ZKSCAN2: variants seen among roughly 807,000 people sequenced by gnomAD.
ZKSCAN2 encodes zinc finger with KRAB and SCAN domains 2, also known as zinc finger protein with KRAB and SCAN domains 2.
Under a neutral mutation model 90.5 loss-of-function variants are expected in ZKSCAN2, and 38 were observed. That is an observed-to-expected ratio of 0.42 (90% CI 0.32 to 0.55). The LOEUF (loss-of-function observed/expected upper bound fraction) is 0.55. Among genes scored for constraint, ZKSCAN2 ranks in the 20% least tolerant of loss-of-function variants. The probability of loss-of-function intolerance (pLI) is 0.11; values close to 1 mark genes in which losing one functional copy is unlikely to be tolerated. For missense variants in ZKSCAN2, 1,167 were observed against 1,202.6 expected (o/e 0.97, Z 0.44); for synonymous variants, 429 against 421.6 (o/e 1.02, Z -0.22).
In ZKSCAN2 at chr16:25,243,831, T is replaced by C. The variant is rs1567351151; in HGVS notation, c.1935A>G (p.Gln645=). 2 of 1,613,982 alleles carry C rather than the reference T, an allele frequency of 1.2e-6. No homozygotes were observed. Among genetic ancestry groups the C allele is most frequent in the African/African-American group, 2.7e-5 (2 of 74,872 alleles). The change falls in exon 6 of 7, where the codon CAA becomes CAG. Residue 645 remains glutamine, a synonymous_variant. Transcript: ENST00000328086. ...CTGGAGGTCCCTGGAACTCTGGCTC[T>C]TGCACAATTTCCTCCTCGCTCATTC... ...SERMSEEEIV[Q]EPEFQGPPGL... is the part of the protein sequence containing the mutation.
At position 25,238,149 on chromosome 16, in the gene ZKSCAN2, C is replaced by CT. The variant is rs1962797308; in HGVS notation, c.*1666_*1667insA. 6.6e-6 allele frequency: 1 copy of CT among 152,232 alleles called. No individual in the cohort carries two copies. Among genetic ancestry groups the CT allele is most frequent in the Non-Finnish European group, 1.5e-5 (1 of 68,036 alleles). The allele number at this position is 152,232 out of a possible 1,614,324, so 9.4% of individuals were successfully genotyped here. Reference sequence around the variant, plus strand: ...CTACCCTCCTAGGTACTTTGCTGAACAAGTTTCAAAAGATTGAAACATACC... The same window carrying CT: ...CTACCCTCCTAGGTACTTTGCTGAACTAAGTTTCAAAAGATTGAAACATACC... On this transcript the variant is annotated 3_prime_UTR_variant, in exon 7 of 7. Transcript: ENST00000328086.
Position 25,257,312 on chromosome 16 carries a change from C to G in ZKSCAN2, c.-185G>C. The stretch of plus-strand genomic sequence containing the variant: ...TATGCCAGGCCCTTGAAAAGGTGAA[C>G]GTATACTCTAAGATGCAAAAGCCTG... On this transcript the variant is annotated 5_prime_UTR_variant, in exon 1 of 7. Transcript: ENST00000328086. The G allele has an allele frequency of 2.1e-6, 3 of 1,397,868 alleles. No homozygotes were observed. In the South Asian group the frequency reaches 5.2e-5, roughly 24 times the overall value. The allele number at this position is 1,397,868 out of a possible 1,614,324, so 86.6% of individuals were successfully genotyped here. A position where few individuals can be genotyped will look rare whatever the true frequency, so the allele number is the denominator to read the frequency against.
In ZKSCAN2 at chr16:25,246,674, T is replaced by C. The variant is rs757818480; in HGVS notation, c.1489+33A>G. 3.7e-6 allele frequency: 6 copies of C among 1,612,040 alleles called. No individual in the cohort carries two copies. In the Admixed American group the frequency reaches 8.3e-5, roughly 22 times the overall value. ...TTTTTCCACAAGATCACACATCTGT[T>C]TTCCTACCAGAGAAACAAAGCACAA... On this transcript the variant is annotated intron_variant, in intron 5 of 6. Coordinates refer to ENST00000328086, the MANE Select transcript of ZKSCAN2 (RefSeq NM_001012981.5).
chr16:25,245,697 G>A (rs1316676327), intron 5 of ZKSCAN2, among the ~76,000 whole-genome samples: 1 of 151,646 alleles, frequency 6.6e-6, no homozygotes, highest in Non-Finnish European at 1.5e-5. Context: ...ACTCACCCAG[G>A]AGGAGGAGGT....
chr16:25,250,967 G>A (rs1321121979), intron 4 of ZKSCAN2, among the ~76,000 whole-genome samples: 2 of 152,114 alleles, frequency 1.3e-5, no homozygotes, highest in East Asian at 1.9e-4. Flanking sequence ...TGTTGGTCAT[G>A]CTGGTGTTGA....
At position 25,239,944 on chromosome 16, in the gene ZKSCAN2, T is replaced by A. The variant is rs1442939783; in HGVS notation, c.2776A>T (p.Lys926Ter). The change falls in exon 7 of 7, where the codon AAG (lysine) becomes TAG (stop). Residue 926 changes from lysine (K) to a stop codon, truncating the protein, a stop_gained. Coordinates refer to ENST00000328086, the MANE Select transcript of ZKSCAN2 (RefSeq NM_001012981.5). LOFTEE classifies it low-confidence loss of function (END_TRUNC). ...CGATGTTTGGTAAGAACAGAACTCT[T>A]ACTGAAACGTTTGCCACACTGGGCA... is the stretch of plus-strand genomic sequence containing the variant. ...GCAQCGKRFS[K>*]SSVLTKHREV... 6.2e-7 allele frequency: 1 copy of A among 1,614,204 alleles called. No homozygotes were observed.
Position 25,255,375 on chromosome 16 carries a change from G to A in ZKSCAN2, c.417C>T (p.His139=). 1 of 1,611,940 alleles carries A rather than the reference G, an allele frequency of 6.2e-7. No homozygotes were observed. Among genetic ancestry groups the A allele is most frequent in the Non-Finnish European group, 8.5e-7 (1 of 1,179,844 alleles). The change falls in exon 2 of 7, where the codon CAC becomes CAT. Residue 139 remains histidine (H), a synonymous_variant. Transcript: ENST00000328086. ...CTCCAAGTGGGGAGTGCTTCTCCCG[G>A]TGCACGGGACTGCTGACCTGAGAAA... ...RLRQQVSSPV[H]REKHSPLGAA... is the part of the protein sequence containing the mutation.
At position 25,247,385 on chromosome 16, in the gene ZKSCAN2, C is replaced by T. The variant is rs772773910; in HGVS notation, c.811G>A (p.Ala271Thr). The change falls in exon 5 of 7, where the codon GCA (alanine) becomes ACA (threonine). Residue 271 changes from alanine (A) to threonine (T), a missense_variant. Transcript: ENST00000328086. ...GTTATCTTGTTAGATGTAGACACTG[C>T]ACTTCCTACAGTAAAATAAACATAT... ...NVGNVVSLGS[A>T]VSTSNKITRL... 6.2e-7 allele frequency: 1 copy of T among 1,601,886 alleles called. No homozygotes were observed. Among genetic ancestry groups the T allele is most frequent in the Non-Finnish European group, 8.5e-7 (1 of 1,176,720 alleles).
Position 25,256,810 on chromosome 16 carries a change from C to T in ZKSCAN2, c.318G>A (p.Gln106=). ...ILPEKIQAWA[Q]KQCPQSGEEA... ...CCTCTCCACTTTGCGGACACTGCTT[C>T]TGTGCCCAAGCCTGAATCTTCTCGG... The change falls in exon 1 of 7, where the codon CAG becomes CAA. Residue 106 remains glutamine, a synonymous_variant. Transcript: ENST00000328086. 1.2e-6 allele frequency: 2 copies of T among 1,614,224 alleles called. No individual in the cohort carries two copies. The highest frequency in any genetic ancestry group is 1.7e-6 in the Non-Finnish European group (2 of 1,180,040).
At chr16:25,247,462 C>T in intron 4 of ZKSCAN2, 72 bp from the exon 5 acceptor site, 1 of 1,361,788 alleles carries the variant, frequency 7.3e-7, no homozygotes, top group African/African-American at 1.4e-5. Context: ...TCTGCTGTCA[C>T]ATGCTCTCCT....
At position 25,246,850 on chromosome 16, in the gene ZKSCAN2, C is replaced by A. The variant is rs1962941141; in HGVS notation, c.1346G>T (p.Arg449Ile). Residue 449 changes from arginine (R) to isoleucine (I), a missense_variant, in exon 5 of 7, where the codon AGA (arginine) becomes ATA (isoleucine). Coordinates refer to ENST00000328086, the MANE Select transcript of ZKSCAN2 (RefSeq NM_001012981.5). ...KEMIPVPRLK[R>I]IAISAKEHIS... ...GTGTTCCTTAGCACTGATGGCAATTCTCTTCAGTCTGGGGACAGGTATCAT... is the reference window on the plus strand; with the variant it reads ...GTGTTCCTTAGCACTGATGGCAATTATCTTCAGTCTGGGGACAGGTATCAT... 6.2e-7 allele frequency: 1 copy of A among 1,614,206 alleles called. No individual in the cohort carries two copies.
rs753735315 is a variant in ZKSCAN2, at chr16:25,255,402, G to T, written c.400-10C>A. 4 of 1,607,576 alleles carry T rather than the reference G, an allele frequency of 2.5e-6. No homozygotes were observed. Among genetic ancestry groups the T allele is most frequent in the Non-Finnish European group, 3.4e-6 (4 of 1,179,414 alleles). On this transcript the variant is annotated splice_polypyrimidine_tract_variant and intron_variant, in intron 1 of 6. Transcript: ENST00000328086. ...GCACGGGACTGCTGACCTGAGAAAT[G>T]AAGTCAATACCATAAGAGGGAGTAA...
chr16:25,243,687 G>GA, intron 6 of ZKSCAN2, 98 bp downstream of exon 6: 1 of 1,370,838 alleles, frequency 7.3e-7, no homozygotes, highest in Non-Finnish European at 1.0e-6. Context: ...TTTCTTGAAT[G>GA]AAGGAATATT....
At chr16:25,246,670 C>G in intron 5 of ZKSCAN2, 37 bp downstream of exon 5, 1 of 1,609,612 alleles carries the variant, frequency 6.2e-7, no homozygotes, top group Middle Eastern at 1.7e-4. Context: ...GATCACACAT[C>G]TGTTTTCCTA....
At position 25,247,021 on chromosome 16, in the gene ZKSCAN2, T is replaced by C; in HGVS notation, c.1175A>G (p.Gln392Arg). Residue 392 changes from glutamine (Q) to arginine (R), a missense_variant, in exon 5 of 7, where the codon CAG becomes CGG. By Grantham distance (43) the Gln-to-Arg change is conservative (BLOSUM62 1). Coordinates refer to ENST00000328086, the MANE Select transcript of ZKSCAN2 (RefSeq NM_001012981.5). ...GAGACTTTTGAACTTGGTTCGACAC[T>C]GTTCTGGGGTTCTAAGGAAGCCACA... ...RECGFLRTPE[Q>R]CRTKFKSLQK... is the part of the protein sequence containing the mutation. 6.2e-7 allele frequency: 1 copy of C among 1,614,214 alleles called. No individual in the cohort carries two copies. Among genetic ancestry groups the C allele is most frequent in the Non-Finnish European group, 8.5e-7 (1 of 1,180,032 alleles).
chr16:25,252,215 C>T (rs916074828), intron 3 of ZKSCAN2, among the ~76,000 whole-genome samples, 180 bp from the exon 4 acceptor site: 1 of 152,114 alleles, frequency 6.6e-6, no homozygotes, highest in African/African-American at 2.4e-5. Context: ...ACAAGATGAT[C>T]CAGCAAGGAG....
At chr16:25,244,354 G>T in intron 5 of ZKSCAN2, 78 bp from the exon 6 acceptor site, 1 of 1,476,558 alleles carries the variant, frequency 6.8e-7, no homozygotes, top group Non-Finnish European at 9.1e-7. Context: ...ATTAAGAAAT[G>T]TAGAGGTAAA....
intron 2 of ZKSCAN2, 30 bp downstream of exon 2, chr16:25,255,176 A>C: frequency 6.3e-7 from 1 of 1,576,654 alleles, no homozygotes; most frequent in Non-Finnish European, 8.6e-7. Flanking sequence ...CAGCCTCTGC[A>C]CTAGGCGTGC....
Position 25,245,378 on chromosome 16 carries a change from A to G in ZKSCAN2, c.1490-1102T>C, listed in dbSNP as rs115914842. On this transcript the variant is annotated intron_variant, in intron 5 of 6. Transcript: ENST00000328086. ...CTCAGTCTCCTAAAGTGCTAGAATT[A>G]CAGGTATGAACCACCACATCCAGCC... is the stretch of plus-strand genomic sequence containing the variant. 9.2e-3 allele frequency among the ~76,000 whole-genome samples: 1,396 copies of G among 152,330 alleles called. 23 individuals carry two copies. Among genetic ancestry groups the G allele is most frequent in the African/African-American group, 0.031 (1,273 of 41,574 alleles).
Sources: allele counts gnomAD v4.1 joint callset (sites outside exome capture counted in the v4.1 genomes callset), GRCh38; gene constraint gnomAD v4.1.1; transcripts MANE v1.5; gene names NCBI Gene and HGNC (gene_info 2026-07-23, HGNC 2026-07-21).